Variants in PIP4K2A observed in about 807,000 individuals in gnomAD.
PIP4K2A encodes phosphatidylinositol 5-phosphate 4-kinase type-2 alpha.
PIP4K2A carries 14 observed loss-of-function variants against 42.9 expected under a neutral mutation model. The ratio of observed to expected loss-of-function variants is 0.33; its 90% confidence interval spans 0.22 to 0.51. The LOEUF (loss-of-function observed/expected upper bound fraction) is 0.51. Among genes scored for constraint, PIP4K2A ranks in the 20% least tolerant of loss-of-function variants. The pLI is 0.97. For synonymous variants in PIP4K2A, 192 were observed against 192.2 expected, an observed-to-expected ratio of 1.00 and a Z score of 0.01; for missense variants, 434 against 519.8, an observed-to-expected ratio of 0.83 and a Z score of 1.61.
intron 1 of PIP4K2A, among the ~76,000 whole-genome samples, chr10:22,616,950 C>T (rs772505008): frequency 2.6e-5 from 4 of 152,238 alleles, no homozygotes; most frequent in Non-Finnish European, 2.9e-5. Context: ...GTAAAATCTA[C>T]TTCTAAGCCA....
At chr10:22,677,983 T>C (rs1839590438) in intron 1 of PIP4K2A, among the ~76,000 whole-genome samples, 2 of 152,338 alleles carry the variant, frequency 1.3e-5, no homozygotes, top group South Asian at 2.1e-4. Context: ...ACTCATCTGC[T>C]ACTTTGGCTC....
intron 4 of PIP4K2A, among the ~76,000 whole-genome samples, chr10:22,579,678 G>C (rs940853757): frequency 1.3e-5 from 2 of 152,124 alleles, no homozygotes; most frequent in African/African-American, 4.8e-5. Context: ...GGCAGGGGAG[G>C]GTGGATTACT....
At chr10:22,667,313 C>T (rs1445074928) in intron 1 of PIP4K2A, among the ~76,000 whole-genome samples, 1 of 152,096 alleles carries the variant, frequency 6.6e-6, no homozygotes, top group Non-Finnish European at 1.5e-5. Flanking sequence ...AGAAAGCAAC[C>T]ACAGAGTTTT....
At chr10:22,711,643 C>T (rs1180075389) in intron 1 of PIP4K2A, among the ~76,000 whole-genome samples, 1 of 152,244 alleles carries the variant, frequency 6.6e-6, no homozygotes, top group Non-Finnish European at 1.5e-5. Flanking sequence ...AGCGCAGATT[C>T]AATGAGCGTT....
chr10:22,552,441 T>A (rs1836434989), intron 6 of PIP4K2A, among the ~76,000 whole-genome samples: 1 of 152,140 alleles, frequency 6.6e-6, no homozygotes, highest in African/African-American at 2.4e-5. Flanking sequence ...AAATCTGTCA[T>A]TAATAATTTT....
At chr10:22,591,818 G>A in intron 3 of PIP4K2A, 37 bp from the exon 4 acceptor site, 1 of 1,557,790 alleles carries the variant, frequency 6.4e-7, no homozygotes, top group Non-Finnish European at 8.7e-7. Context: ...GAAGGCGGGG[G>A]AAGATAACTA....
At chr10:22,664,643 T>C (rs1839314315) in intron 1 of PIP4K2A, among the ~76,000 whole-genome samples, 1 of 152,138 alleles carries the variant, frequency 6.6e-6, no homozygotes, top group African/African-American at 2.4e-5. Flanking sequence ...TAAACAAAAA[T>C]TCTACAATCC....
chr10:22,682,323 C>T (rs1046169163), intron 1 of PIP4K2A, among the ~76,000 whole-genome samples: 1 of 152,192 alleles, frequency 6.6e-6, no homozygotes, highest in African/African-American at 2.4e-5. Flanking sequence ...AACTATCAGG[C>T]CTACTCATTT....
At chr10:22,646,826 G>A (rs541025604) in intron 1 of PIP4K2A, among the ~76,000 whole-genome samples, 12 of 152,206 alleles carry the variant, frequency 7.9e-5, no homozygotes, top group African/African-American at 2.9e-4. Context: ...TCTTAAGATA[G>A]GTTGGCTGAT....
intron 7 of PIP4K2A, among the ~76,000 whole-genome samples, chr10:22,542,459 T>G (rs956473652): frequency 6.6e-6 from 1 of 152,074 alleles, no homozygotes; most frequent in Non-Finnish European, 1.5e-5. Context: ...GAGTCTCTGG[T>G]GGTAGTTCAG....
At chr10:22,697,403 G>C (rs184797368) in intron 1 of PIP4K2A, among the ~76,000 whole-genome samples, 9 of 152,292 alleles carry the variant, frequency 5.9e-5, no homozygotes, top group Admixed American at 3.3e-4. Context: ...CCACAGTAGA[G>C]GGATGGTAAC....
chr10:22,674,857 G>A (rs1283118829), intron 1 of PIP4K2A, among the ~76,000 whole-genome samples: 1 of 152,114 alleles, frequency 6.6e-6, no homozygotes, highest in Non-Finnish European at 1.5e-5. Flanking sequence ...TAGCTACTCA[G>A]CAGGCTGAGG....
At chr10:22,575,108 C>A (rs12357444) in intron 4 of PIP4K2A, among the ~76,000 whole-genome samples, 40,873 of 152,066 alleles carry the variant, frequency 0.27, 5,840 homozygotes, top group Non-Finnish European at 0.31. Context: ...CTAATTCCTA[C>A]CTTGAAGGTT....
At chr10:22,628,180 A>T in intron 1 of PIP4K2A, among the ~76,000 whole-genome samples, 1 of 152,364 alleles carries the variant, frequency 6.6e-6, no homozygotes. Context: ...TAGACTGATT[A>T]AACACAAGAT....
At chr10:22,608,113 G>T in intron 2 of PIP4K2A, 90 bp from the exon 3 acceptor site, 1 of 791,000 alleles carries the variant, frequency 1.3e-6, no homozygotes, top group Non-Finnish European at 2.1e-6. Context: ...GCCAAAGAAG[G>T]GTTCAGAGTT....
intron 2 of PIP4K2A, 26 bp from the exon 3 acceptor site, chr10:22,608,049 A>C (rs1451541365): frequency 2.7e-6 from 4 of 1,457,770 alleles, no homozygotes; most frequent in East Asian, 2.3e-5. Context: ...CGTGGAATAA[A>C]GCTCAGAGAG....
intron 2 of PIP4K2A, 86 bp from the exon 3 acceptor site, chr10:22,608,109 G>A: frequency 1.2e-6 from 1 of 839,378 alleles, no homozygotes; most frequent in Non-Finnish European, 2.0e-6. Context: ...GGTAGCCAAA[G>A]AAGGGTTCAG....
intron 1 of PIP4K2A, among the ~76,000 whole-genome samples, chr10:22,621,440 T>G (rs1199747788): frequency 1.3e-5 from 2 of 152,234 alleles, no homozygotes; most frequent in Admixed American, 6.5e-5. Flanking sequence ...ATTTAATACT[T>G]CCCTGGTATC....
intron 4 of PIP4K2A, among the ~76,000 whole-genome samples, chr10:22,589,368 C>T (rs1001996748): frequency 2.0e-5 from 3 of 152,218 alleles, no homozygotes; most frequent in African/African-American, 7.2e-5. Context: ...TCTTCCCCCT[C>T]ACAGGTAGCA....
Sources: allele counts gnomAD v4.1 joint callset (sites outside exome capture counted in the v4.1 genomes callset), GRCh38; gene constraint gnomAD v4.1.1; transcripts MANE v1.5; gene names NCBI Gene and HGNC (gene_info 2026-07-23, HGNC 2026-07-21).